Variants in SMG6 observed in about 807,000 individuals in gnomAD.
The protein encoded by SMG6 is SMG6 nonsense mediated mRNA decay factor.
In SMG6, 66 loss-of-function variants were observed where a neutral mutation model predicts 142.2. That is an observed-to-expected ratio of 0.46 (90% confidence interval 0.38 to 0.57). The LOEUF is 0.57. Among genes scored for constraint, SMG6 ranks in the 20% least tolerant of loss-of-function variants. The probability of loss-of-function intolerance (pLI) is 0.00; values close to 1 mark genes in which losing one functional copy is unlikely to be tolerated. For synonymous variants in SMG6, 779 were observed against 702.4 expected (o/e 1.11, Z -1.72); for missense variants, 1,793 against 1,832.0 (o/e 0.98, Z 0.39).
chr17:2,303,762 C>T lies in SMG6; in HGVS notation c.-42G>A, dbSNP rs890371067. On this transcript the variant is annotated 5_prime_UTR_variant, in exon 1 of 19. Transcript: ENST00000263073. The stretch of plus-strand genomic sequence containing the variant: ...ACAGCCGTAGCGGCTCCGCCACCGC[C>T]GCGCGCAGCCAGGAAACCACCACAG... 2.7e-6 allele frequency: 4 copies of T among 1,468,838 alleles called. No homozygotes were observed. Among genetic ancestry groups the T allele is most frequent in the Admixed American group, 2.3e-5 (1 of 42,592 alleles). 91.0% of individuals were successfully genotyped at this position (1,468,838 alleles called of 1,614,324 possible). A position where few individuals can be genotyped will look rare whatever the true frequency, so the allele number is the denominator to read the frequency against.
chr17:2,143,095 T>C (rs1010507140), intron 13 of SMG6, among the ~76,000 whole-genome samples: 7 of 152,086 alleles, frequency 4.6e-5, no homozygotes, highest in South Asian at 4.1e-4. Context: ...TGTGGGGAAA[T>C]TGAACCCTCA....
chr17:2,147,360 T>C (rs965081313), intron 13 of SMG6, among the ~76,000 whole-genome samples: 13 of 152,068 alleles, frequency 8.5e-5, no homozygotes, highest in African/African-American at 3.1e-4. Context: ...ACCACTGCAC[T>C]CCAGCCTGGG....
chr17:2,099,700 T>C (rs917711897), intron 13 of SMG6, among the ~76,000 whole-genome samples: 1 of 152,168 alleles, frequency 6.6e-6, no homozygotes, highest in African/African-American at 2.4e-5. Flanking sequence ...AACTAGCCTA[T>C]CCATAGCTCG....
At chr17:2,264,531 C>T (rs2074380999) in intron 8 of SMG6, among the ~76,000 whole-genome samples, 1 of 152,194 alleles carries the variant, frequency 6.6e-6, no homozygotes, top group Non-Finnish European at 1.5e-5. Flanking sequence ...ACACCAGCAA[C>T]ATCAAAACAA....
At chr17:2,164,468 C>T (rs886574986) in intron 13 of SMG6, among the ~76,000 whole-genome samples, 2 of 151,982 alleles carry the variant, frequency 1.3e-5, no homozygotes, top group Non-Finnish European at 2.9e-5. Context: ...CTTAGCCGGG[C>T]GTGGTGGCAT....
At chr17:2,277,181 T>A (rs1207682907) in intron 8 of SMG6, among the ~76,000 whole-genome samples, 11 of 133,974 alleles carry the variant, frequency 8.2e-5, no homozygotes, top group African/African-American at 3.1e-4. Context: ...TATTTTTTTT[T>A]TTTTTGAGAC....
At chr17:2,293,692 A>C (rs2075088691) in intron 4 of SMG6, among the ~76,000 whole-genome samples, 1 of 152,088 alleles carries the variant, frequency 6.6e-6, no homozygotes, top group South Asian at 2.1e-4. Context: ...CTGGTCTCAA[A>C]CTCCTGGCCT....
rs2273980 is a variant in SMG6, at chr17:2,068,915, T to C, written c.3698A>G (p.His1233Arg). The C allele has an allele frequency of 6.1e-4, 989 of 1,614,202 alleles. 7 individuals are homozygous for C. In the East Asian group the frequency reaches 0.012, roughly 20 times the overall value. ...QEKIQAVLED[H>R]SQMRQMELEI... The stretch of plus-strand genomic sequence containing the variant: ...GAGCTCCATCTGCCTCATCTGACTG[T>C]GGTCCTCCAGGACAGCCTATGGGGA... Residue 1233 changes from histidine to arginine, a missense_variant, in exon 16 of 19, where the codon CAC becomes CGC. Transcript: ENST00000263073. This position sits in a 1 kb window ranked among gnomAD's most constrained non-coding sequence, Gnocchi z 6.7.
At chr17:2,111,460 G>A (rs2069315417) in intron 13 of SMG6, among the ~76,000 whole-genome samples, 1 of 152,170 alleles carries the variant, frequency 6.6e-6, no homozygotes, top group South Asian at 2.1e-4. Context: ...TGCCCAGGCT[G>A]CAGTACAGTG....
chr17:2,268,707 C>A (rs538301521), intron 8 of SMG6, among the ~76,000 whole-genome samples: 40 of 151,998 alleles, frequency 2.6e-4, no homozygotes, highest in Non-Finnish European at 4.9e-4. Flanking sequence ...GTAAGGAGAT[C>A]GAGACCATCC....
intron 10 of SMG6, among the ~76,000 whole-genome samples, chr17:2,194,019 G>A (rs1048542967): frequency 2.0e-5 from 3 of 152,252 alleles, no homozygotes; most frequent in South Asian, 4.1e-4. Context: ...TCGAACTCTC[G>A]GACTCAAGTG....
intron 13 of SMG6, among the ~76,000 whole-genome samples, chr17:2,096,250 C>T (rs1476559183): frequency 2.0e-5 from 3 of 152,112 alleles, no homozygotes; most frequent in Admixed American, 6.5e-5. Context: ...ATCGCCCAGG[C>T]TGGAGTGCAG....
chr17:2,256,951 G>GGTATGTATGTAT, intron 8 of SMG6, among the ~76,000 whole-genome samples: 1 of 151,332 alleles, frequency 6.6e-6, no homozygotes, highest in South Asian at 2.1e-4. Context: ...CCCAGACAAA[G>GGTATGTATGTAT]GTATGTATGT....
At chr17:2,162,991 C>T (rs1302174209) in intron 13 of SMG6, among the ~76,000 whole-genome samples, 1 of 151,972 alleles carries the variant, frequency 6.6e-6, no homozygotes, top group Non-Finnish European at 1.5e-5. Context: ...ACCACCACAC[C>T]TGACTGATTT....
intron 12 of SMG6, among the ~76,000 whole-genome samples, chr17:2,180,442 G>T (rs1225344496): frequency 1.3e-5 from 2 of 152,152 alleles, no homozygotes; most frequent in African/African-American, 4.8e-5. Flanking sequence ...CATCCATGCT[G>T]GCTCTAACAC....
chr17:2,254,335 A>AT (rs1005616088), intron 8 of SMG6, among the ~76,000 whole-genome samples: 8 of 151,792 alleles, frequency 5.3e-5, no homozygotes, highest in African/African-American at 9.7e-5. Context: ...GCTCAAACCC[A>AT]TTTTTTTTGT....
chr17:2,256,951 GGTATGTATGTAT>G (rs66868460), intron 8 of SMG6, among the ~76,000 whole-genome samples: 4 of 151,214 alleles, frequency 2.6e-5, no homozygotes, highest in African/African-American at 9.7e-5. Flanking sequence ...CCCAGACAAA[GGTATGTATGTAT>G]GTATGTATGT....
intron 6 of SMG6, 124 bp downstream of exon 6, chr17:2,292,428 G>C (rs2075058157): frequency 5.4e-6 from 5 of 919,290 alleles, no homozygotes; most frequent in Non-Finnish European, 8.5e-6. Flanking sequence ...AAAGGAGTTT[G>C]AGGGGATATT....
At chr17:2,283,495 C>T in intron 7 of SMG6, 130 bp downstream of exon 7, 1 of 727,920 alleles carries the variant, frequency 1.4e-6, no homozygotes, top group Non-Finnish European at 2.4e-6. Flanking sequence ...CACACAGACA[C>T]TGAGCAATAA....
Sources: allele counts gnomAD v4.1 joint callset (sites outside exome capture counted in the v4.1 genomes callset), GRCh38; gene constraint gnomAD v4.1.1; non-coding constraint Gnocchi (gnomAD v3.1); transcripts MANE v1.5; gene names NCBI Gene and HGNC (gene_info 2026-07-23, HGNC 2026-07-21).